The following PIEZO2 variants were observed in gnomAD, a reference collection of about 807,000 sequenced individuals.
PIEZO2 encodes piezo type mechanosensitive ion channel component 2.
Under a neutral mutation model 337.3 loss-of-function variants are expected in PIEZO2, and 172 were observed. The ratio of observed to expected loss-of-function variants is 0.51; its 90% CI spans 0.45 to 0.58. The LOEUF (loss-of-function observed/expected upper bound fraction) is 0.58. PIEZO2 is among the 20% of genes least tolerant of loss of function. PIEZO2 has a pLI of 0.00. For missense variants in PIEZO2, 3,028 were observed against 3,391.3 expected, an observed-to-expected ratio of 0.89 and a Z score of 2.66; for synonymous variants, 1,251 against 1,228.5, an observed-to-expected ratio of 1.02 and a Z score of -0.38.
At chr18:10,998,482 G>A (rs930512021) in intron 2 of PIEZO2, among the ~76,000 whole-genome samples, 1 of 151,732 alleles carries the variant, frequency 6.6e-6, no homozygotes, top group Non-Finnish European at 1.5e-5. Context: ...ATAATTGAGG[G>A]TATTATGTTG....
rs184183328 is a variant in PIEZO2 at position 10,675,193 on chromosome 18, T to G, written c.8161+16A>C. On this transcript the variant is annotated intron_variant, in intron 54 of 55. Transcript: ENST00000674853. ...GGATTGAAAACAATTCTGAAACAAA[T>G]TTTTCTCATTCTTACCAGATAAAAG... 166 of 1,501,700 alleles carry G rather than the reference T, an allele frequency of 1.1e-4. No homozygotes were observed. The African/African-American group carries it at 2.0e-3, about 18-fold the overall frequency. The allele number at this position is 1,501,700 out of a possible 1,614,324, so 93.0% of individuals were successfully genotyped here.
intron 1 of PIEZO2, 93 bp from the exon 2 acceptor site, chr18:11,066,315 T>A: frequency 2.3e-6 from 2 of 882,836 alleles, no homozygotes; most frequent in Non-Finnish European, 3.5e-6. Flanking sequence ...GTCTCAGATG[T>A]CACTGGATCA....
At position 10,940,401 on chromosome 18, in the gene PIEZO2, C is replaced by T. The variant is rs1430345906; in HGVS notation, c.287-29173G>A. Among the ~76,000 whole-genome samples, 38 of 152,152 alleles carry T rather than the reference C, an allele frequency of 2.5e-4. 1 individual carries two copies. The highest frequency in any genetic ancestry group is 2.5e-3 in the Admixed American group (38 of 15,286). ...CACAGGATCAGTGCTACATGGATGCCAACAACATAAGCGAATCTTACCTGC... is the reference window on the plus strand; with the variant it reads ...CACAGGATCAGTGCTACATGGATGCTAACAACATAAGCGAATCTTACCTGC... On this transcript the variant is annotated intron_variant, in intron 3 of 55. Transcript: ENST00000674853. The surrounding 1 kb of genome is among the most constrained non-coding windows in gnomAD (Gnocchi z 5.3).
At chr18:10,744,092 G>T (rs1309243777) in intron 31 of PIEZO2, 50 bp downstream of exon 31, 1 of 1,328,400 alleles carries the variant, frequency 7.5e-7, no homozygotes. Context: ...GCTGAATGTG[G>T]TCACACAATC....
Position 10,952,365 on chromosome 18 carries a change from G to C in PIEZO2, c.286+27170C>G, listed in dbSNP as rs563970182. On this transcript the variant is annotated intron_variant, in intron 3 of 55. Coordinates refer to ENST00000674853, the MANE Select transcript of PIEZO2 (RefSeq NM_001378183.1). This position sits in a 1 kb window ranked among gnomAD's most constrained non-coding sequence, Gnocchi z 4.1. ...CCATCAGCCCACCAAATTCTCCATG[G>C]TCATTGTAGTCAGCCACTCCCCTGA... Among the ~76,000 whole-genome samples the C allele has an allele frequency of 1.0e-4, 15 of 149,478 alleles. No homozygotes were observed. The South Asian group carries it at 3.1e-3, about 31-fold the overall frequency.
At chr18:10,871,194 T>C in intron 5 of PIEZO2, 59 bp downstream of exon 5, 1 of 1,459,536 alleles carries the variant, frequency 6.9e-7, no homozygotes, top group South Asian at 1.3e-5. Flanking sequence ...GTTCTGCAAC[T>C]TATTAAGGGT....
chr18:10,814,510 C>T (rs896572740), intron 7 of PIEZO2, among the ~76,000 whole-genome samples: 4 of 152,110 alleles, frequency 2.6e-5, no homozygotes, highest in African/African-American at 9.7e-5. Context: ...CACAAAGAGG[C>T]AGATGCATTT....
chr18:10,754,813 C>T (rs1176072032), intron 27 of PIEZO2, among the ~76,000 whole-genome samples: 4 of 152,158 alleles, frequency 2.6e-5, no homozygotes, highest in Non-Finnish European at 5.9e-5. Context: ...CCAAGAGGCA[C>T]TTAAGCGCAT....
rs151069517 is a variant in PIEZO2, at chr18:10,955,902, G to A, written c.286+23633C>T. The stretch of plus-strand genomic sequence containing the variant: ...TTAAGCTACCATATCCCCAGCATTA[G>A]AACAGTAGCTATAACCATAGTGGGT... On this transcript the variant is annotated intron_variant, in intron 3 of 55. Coordinates refer to ENST00000674853, the MANE Select transcript of PIEZO2 (RefSeq NM_001378183.1). 5.8e-3 allele frequency among the ~76,000 whole-genome samples: 881 copies of A among 152,226 alleles called. 12 individuals carry two copies. Among genetic ancestry groups the A allele is most frequent in the African/African-American group, 0.02 (828 of 41,548 alleles).
chr18:10,829,237 C>A (rs1309047616), intron 7 of PIEZO2, among the ~76,000 whole-genome samples: 1 of 151,306 alleles, frequency 6.6e-6, no homozygotes, highest in South Asian at 2.1e-4. Flanking sequence ...GATCACCTGA[C>A]GAAGCTGTTA....
Position 10,855,312 on chromosome 18 carries a change from G to A in PIEZO2, c.917+41C>T. 2 of 1,482,620 alleles carry A rather than the reference G, an allele frequency of 1.3e-6. No homozygotes were observed. Among genetic ancestry groups the A allele is most frequent in the Middle Eastern group, 1.7e-4 (1 of 5,826 alleles). 91.8% of individuals were successfully genotyped at this position (1,482,620 alleles called of 1,614,324 possible). ...CAAACCAAGGTCCCAAAGGCGTGGGGGGACAACCTCTCCTGGAAATGCCAT... is the reference window on the plus strand; with the variant it reads ...CAAACCAAGGTCCCAAAGGCGTGGGAGGACAACCTCTCCTGGAAATGCCAT... On this transcript the variant is annotated intron_variant, in intron 7 of 55. Transcript: ENST00000674853. The surrounding 1 kb of genome is among the most constrained non-coding windows in gnomAD (Gnocchi z 4.9).
At position 10,671,430 on chromosome 18, in the gene PIEZO2, T is replaced by C; in HGVS notation, c.*97A>G. 1.5e-6 allele frequency: 2 copies of C among 1,319,898 alleles called. No individual in the cohort carries two copies. The highest frequency in any genetic ancestry group is 2.0e-6 in the Non-Finnish European group (2 of 983,012). 81.8% of individuals were successfully genotyped at this position (1,319,898 alleles called of 1,614,324 possible). ...TACCTATCAGAAGAGAAACAAACCA[T>C]TTCCGTCGAACTAGAAATGCTTAGC... On this transcript the variant is annotated 3_prime_UTR_variant, in exon 56 of 56. Transcript: ENST00000674853.
chr18:10,910,103 C>A (rs1218255516), intron 4 of PIEZO2, among the ~76,000 whole-genome samples: 1 of 152,180 alleles, frequency 6.6e-6, no homozygotes, highest in African/African-American at 2.4e-5. Flanking sequence ...AATACAGAGA[C>A]AAACACATTT....
At chr18:11,004,370 A>G (rs1253534651) in intron 2 of PIEZO2, among the ~76,000 whole-genome samples, 1 of 152,176 alleles carries the variant, frequency 6.6e-6, no homozygotes, top group Non-Finnish European at 1.5e-5. Context: ...CGTTTCTCAG[A>G]CTGAATTGCT....
At chr18:10,697,670 T>C (rs755859901) in intron 45 of PIEZO2, 78 bp downstream of exon 45, 1 of 1,538,932 alleles carries the variant, frequency 6.5e-7, no homozygotes. Flanking sequence ...TTCTCTGCTC[T>C]GCTCCTGGTT....
chr18:10,930,501 T>C (rs546277014), intron 3 of PIEZO2, among the ~76,000 whole-genome samples: 1 of 152,360 alleles, frequency 6.6e-6, no homozygotes, highest in East Asian at 1.9e-4. Context: ...TGCCTGTAAC[T>C]TCTGTCCCCT....
At chr18:11,086,112 T>TG (rs1170101637) in intron 1 of PIEZO2, among the ~76,000 whole-genome samples, 2 of 152,168 alleles carry the variant, frequency 1.3e-5, no homozygotes, top group Admixed American at 1.3e-4. Flanking sequence ...TTTTAGAAAC[T>TG]GATATATCAG....
At chr18:11,051,162 G>A (rs1212915956) in intron 2 of PIEZO2, among the ~76,000 whole-genome samples, 1 of 152,168 alleles carries the variant, frequency 6.6e-6, no homozygotes, top group Non-Finnish European at 1.5e-5. Context: ...ACCCACACAG[G>A]CACCAGAAGT....
intron 53 of PIEZO2, among the ~76,000 whole-genome samples, chr18:10,675,995 C>T (rs529969129): frequency 1.2e-4 from 19 of 152,244 alleles, no homozygotes; most frequent in African/African-American, 4.3e-4. Flanking sequence ...AACCTCTTTC[C>T]TTTATAAATT....
Sources: allele counts gnomAD v4.1 joint callset (sites outside exome capture counted in the v4.1 genomes callset), GRCh38; gene constraint gnomAD v4.1.1; non-coding constraint Gnocchi (gnomAD v3.1); transcripts MANE v1.5; gene names NCBI Gene and HGNC (gene_info 2026-07-23, HGNC 2026-07-21).